Variants in FCHSD2 observed in about 807,000 individuals in gnomAD.
The protein encoded by FCHSD2 is F-BAR and double SH3 domains protein 2.
In FCHSD2, 38 loss-of-function variants were observed where a neutral mutation model predicts 108.1. The ratio of observed to expected loss-of-function variants is 0.35; its 90% confidence interval spans 0.27 to 0.46. The LOEUF (loss-of-function observed/expected upper bound fraction) is 0.46, where lower values mean the gene tolerates loss of function less well. Ranked by LOEUF, FCHSD2 falls within the 20% of genes least tolerant of loss-of-function variation. The pLI, the probability that FCHSD2 is intolerant of heterozygous loss-of-function variation, is 1.00. For synonymous variants in FCHSD2, 279 were observed against 314.7 expected, an observed-to-expected ratio of 0.89 and a Z score of 1.20; for missense variants, 751 against 897.8, an observed-to-expected ratio of 0.84 and a Z score of 2.09.
intron 2 of FCHSD2, among the ~76,000 whole-genome samples, chr11:73,112,261 T>A (rs2135547326): frequency 6.6e-6 from 1 of 152,346 alleles, no homozygotes; most frequent in East Asian, 1.9e-4. Context: ...TCACCAGACA[T>A]ACCACTCTAG....
At position 73,065,607 on chromosome 11, in the gene FCHSD2, C is replaced by A. The variant is rs1859272218; in HGVS notation, c.165+18088G>T. On this transcript the variant is annotated intron_variant, in intron 3 of 19. Transcript: ENST00000409418. ...TGACATGATTGCATATTTAGAAAAC[C>A]CCATCGTCTCAGTCCAAAATCTCCT... 3.9e-5 allele frequency among the ~76,000 whole-genome samples: 6 copies of A among 152,094 alleles called. No individual in the cohort carries two copies. The South Asian group carries it at 1.0e-3, about 26-fold the overall frequency.
intron 13 of FCHSD2, among the ~76,000 whole-genome samples, chr11:72,851,599 C>T (rs564795664): frequency 9.2e-5 from 14 of 151,932 alleles, no homozygotes; most frequent in Non-Finnish European, 1.6e-4. Flanking sequence ...AAAAATTAGC[C>T]GGGCATGGTG....
chr11:72,893,944 T>C (rs1449818686), intron 10 of FCHSD2, among the ~76,000 whole-genome samples: 1 of 152,198 alleles, frequency 6.6e-6, no homozygotes, highest in Non-Finnish European at 1.5e-5. Flanking sequence ...TTTGTTTTAT[T>C]TTAAGGTTAA....
chr11:72,966,003 T>C (rs1453976185), intron 8 of FCHSD2, among the ~76,000 whole-genome samples: 1 of 152,034 alleles, frequency 6.6e-6, no homozygotes, highest in African/African-American at 2.4e-5. Flanking sequence ...AAAGTAACAA[T>C]GAGGCAAGAG....
intron 2 of FCHSD2, among the ~76,000 whole-genome samples, chr11:73,117,461 T>C (rs1860631322): frequency 6.6e-6 from 1 of 152,224 alleles, no homozygotes; most frequent in Non-Finnish European, 1.5e-5. Flanking sequence ...CCACTACCTT[T>C]CAATCTGTCC....
intron 2 of FCHSD2, among the ~76,000 whole-genome samples, chr11:73,121,217 CAAG>C (rs1260128487): frequency 6.6e-6 from 1 of 151,908 alleles, no homozygotes; most frequent in African/African-American, 2.4e-5. Context: ...ACACACCTCC[CAAG>C]AAGATTATTT....
At chr11:72,938,314 A>G (rs960832382) in intron 8 of FCHSD2, among the ~76,000 whole-genome samples, 4 of 151,122 alleles carry the variant, frequency 2.6e-5, no homozygotes, top group Non-Finnish European at 5.9e-5. Flanking sequence ...TCCAAGATTT[A>G]TACTTGAATT....
At chr11:72,994,297 A>C (rs913602417) in intron 5 of FCHSD2, among the ~76,000 whole-genome samples, 48 of 152,258 alleles carry the variant, frequency 3.2e-4, no homozygotes, top group Admixed American at 5.9e-4. Flanking sequence ...ACTTCTAAAA[A>C]GACCCCTTGT....
At chr11:72,945,936 A>T (rs1244371348) in intron 8 of FCHSD2, among the ~76,000 whole-genome samples, 2 of 152,236 alleles carry the variant, frequency 1.3e-5, no homozygotes, top group Non-Finnish European at 2.9e-5. Flanking sequence ...GAACACTTTT[A>T]CACTGTTGGT....
chr11:72,986,589 A>G (rs1363188497), intron 6 of FCHSD2, among the ~76,000 whole-genome samples: 1 of 152,188 alleles, frequency 6.6e-6, no homozygotes, highest in Non-Finnish European at 1.5e-5. Flanking sequence ...ATCTCTAAGA[A>G]AGCCTTTTCA....
chr11:73,135,472 T>A (rs1446289848), intron 2 of FCHSD2, among the ~76,000 whole-genome samples: 1 of 152,070 alleles, frequency 6.6e-6, no homozygotes, highest in East Asian at 1.9e-4. Context: ...CTGCAAAAAA[T>A]TTTTCTTAAC....
intron 3 of FCHSD2, among the ~76,000 whole-genome samples, chr11:73,042,494 C>T (rs915212326): frequency 6.6e-6 from 1 of 152,162 alleles, no homozygotes; most frequent in Non-Finnish European, 1.5e-5. Context: ...GGTACTGTGA[C>T]GATTCCAGCT....
chr11:72,871,797 G>C (rs1400097575), intron 12 of FCHSD2, among the ~76,000 whole-genome samples: 1 of 139,526 alleles, frequency 7.2e-6, no homozygotes, highest in Non-Finnish European at 1.5e-5. Context: ...TTGCTCTTTT[G>C]CCCAGGCTGC....
intron 8 of FCHSD2, among the ~76,000 whole-genome samples, chr11:72,929,563 C>T (rs765709743): frequency 1.3e-5 from 2 of 152,132 alleles, no homozygotes; most frequent in Admixed American, 6.6e-5. Flanking sequence ...TGATTTGCTC[C>T]AGCCCCCTGC....
At chr11:72,964,620 T>G (rs4400839) in intron 8 of FCHSD2, among the ~76,000 whole-genome samples, 114,513 of 151,946 alleles carry the variant, frequency 0.75, 43,317 homozygotes, top group South Asian at 0.86. Flanking sequence ...ATCATCATCA[T>G]CAGCAGCAGA....
intron 2 of FCHSD2, among the ~76,000 whole-genome samples, chr11:73,119,429 T>C (rs1184951014): frequency 1.1e-4 from 16 of 152,172 alleles, no homozygotes; most frequent in Admixed American, 1.0e-3. Flanking sequence ...ATATATCCAC[T>C]TCAGAGAGGT....
chr11:72,976,547 T>C (rs1857107553), intron 8 of FCHSD2, among the ~76,000 whole-genome samples: 1 of 152,154 alleles, frequency 6.6e-6, no homozygotes, highest in South Asian at 2.1e-4. Flanking sequence ...TCCAAAGTGC[T>C]GGGATGACAG....
chr11:73,009,717 T>C (rs1416431615), intron 4 of FCHSD2, among the ~76,000 whole-genome samples: 1 of 151,982 alleles, frequency 6.6e-6, no homozygotes, highest in Non-Finnish European at 1.5e-5. Context: ...TTTGAATATA[T>C]CATACCATTC....
intron 8 of FCHSD2, among the ~76,000 whole-genome samples, chr11:72,947,154 C>T (rs890885687): frequency 8.5e-5 from 13 of 152,194 alleles, no homozygotes; most frequent in African/African-American, 2.7e-4. Flanking sequence ...GCTGTAGGTA[C>T]GAAGCATTTT....
Sources: allele counts gnomAD v4.1 joint callset (sites outside exome capture counted in the v4.1 genomes callset), GRCh38; gene constraint gnomAD v4.1.1; transcripts MANE v1.5; gene names NCBI Gene and HGNC (gene_info 2026-07-23, HGNC 2026-07-21).